The following ABCG4 variants were observed in gnomAD, a reference collection of about 807,000 sequenced individuals.
ABCG4 encodes the protein ATP-binding cassette sub-family G member 4.
A neutral mutation model predicts 64.6 loss-of-function variants in ABCG4; 35 were observed. The ratio of observed to expected loss-of-function variants is 0.54; its 90% CI spans 0.41 to 0.72. The LOEUF (loss-of-function observed/expected upper bound fraction) is 0.72, where lower values mean the gene tolerates loss of function less well. ABCG4 is among the 30% of genes least tolerant of loss of function. ABCG4 has a pLI of 0.00. For missense variants in ABCG4, 610 were observed against 846.3 expected, an observed-to-expected ratio of 0.72 and a Z score of 3.46; for synonymous variants, 326 against 348.2, an observed-to-expected ratio of 0.94 and a Z score of 0.71.
chr11:119,159,001 C>T (rs908001657), intron 12 of ABCG4, 72 bp downstream of exon 12: 48 of 1,447,388 alleles, frequency 3.3e-5, no homozygotes, highest in Non-Finnish European at 4.2e-5. Flanking sequence ...TTTCTTGCCT[C>T]CCTCAAACTT....
Position 119,154,305 on chromosome 11 carries a change from G to A in ABCG4, c.402G>A (p.Arg134=). The A allele has an allele frequency of 6.2e-7, 1 of 1,614,168 alleles. No homozygotes were observed. The highest frequency in any genetic ancestry group is 8.5e-7 in the Non-Finnish European group (1 of 1,180,020). ...KGQILVNGRP[R]ELRTFRKMSC... ...AGATCCTGGTTAATGGAAGGCCACG[G>A]GAGCTGAGGACCTTCCGCAAGATGT... The change falls in exon 4 of 15, where the codon CGG becomes CGA. Residue 134 remains arginine (R), a synonymous_variant. Transcript: ENST00000619701. This position sits in a 1 kb window ranked among gnomAD's most constrained non-coding sequence, Gnocchi z 7.0.
intron 12 of ABCG4, among the ~76,000 whole-genome samples, chr11:119,159,307 C>T (rs138633787): frequency 0.017 from 2,572 of 152,256 alleles, 37 homozygotes; most frequent in Non-Finnish European, 0.028. Flanking sequence ...GGCAACATGG[C>T]GAAATCCCAT....
In ABCG4 at chr11:119,156,753, G is replaced by A. The variant is rs1243716902; in HGVS notation, c.925+75G>A. On this transcript the variant is annotated intron_variant, in intron 8 of 14. Transcript: ENST00000619701. This position sits in a 1 kb window ranked among gnomAD's most constrained non-coding sequence, Gnocchi z 5.5. ...CTGGGGTCTCTGGTCTTGCACTCAG[G>A]CCTCCTAGGGGTAGAGATCTCACCG... The A allele has an allele frequency of 2.5e-6, 4 of 1,593,836 alleles. No individual in the cohort carries two copies. The highest frequency in any genetic ancestry group is 1.3e-5 in the African/African-American group (1 of 74,512).
chr11:119,152,235 G>T (rs1343371775), intron 2 of ABCG4, among the ~76,000 whole-genome samples: 2 of 152,358 alleles, frequency 1.3e-5, no homozygotes, highest in East Asian at 3.9e-4. Flanking sequence ...GTGACCCTGG[G>T]TGAGTCACTA....
At position 119,156,204 on chromosome 11, in the gene ABCG4, A is replaced by C; in HGVS notation, c.687-125A>C. Reference sequence around the variant, plus strand: ...AGTGCCTGAACCGTAAAGGATACAGATGCGGCCAGAGTGCCCTCTTCCTGC... The same window carrying C: ...AGTGCCTGAACCGTAAAGGATACAGCTGCGGCCAGAGTGCCCTCTTCCTGC... On this transcript the variant is annotated intron_variant, in intron 6 of 14. Coordinates refer to ENST00000619701, the MANE Select transcript of ABCG4 (RefSeq NM_022169.5). This position sits in a 1 kb window ranked among gnomAD's most constrained non-coding sequence, Gnocchi z 5.5. 1 of 1,297,436 alleles carries C rather than the reference A, an allele frequency of 7.7e-7. No homozygotes were observed. Among genetic ancestry groups the C allele is most frequent in the Non-Finnish European group, 1.1e-6 (1 of 919,408 alleles). 80.4% of individuals were successfully genotyped at this position (1,297,436 alleles called of 1,614,324 possible).
Position 119,158,133 on chromosome 11 carries a change from A to G in ABCG4, c.1069-101A>G, listed in dbSNP as rs2135126702. On this transcript the variant is annotated intron_variant, in intron 9 of 14. Coordinates refer to ENST00000619701, the MANE Select transcript of ABCG4 (RefSeq NM_022169.5). This position sits in a 1 kb window ranked among gnomAD's most constrained non-coding sequence, Gnocchi z 4.5. The stretch of plus-strand genomic sequence containing the variant: ...TTCTCTGTAGACCTGGAGGACCCCT[A>G]CCCTGGGGAAGAGCTCTGAGGTTTT... The G allele has an allele frequency of 1.1e-6, 1 of 935,200 alleles. No homozygotes were observed. Among genetic ancestry groups the G allele is most frequent in the South Asian group, 1.6e-5 (1 of 62,956 alleles). 57.9% of individuals were successfully genotyped at this position (935,200 alleles called of 1,614,324 possible).
intron 9 of ABCG4, 81 bp downstream of exon 9, chr11:119,157,095 C>G: frequency 6.6e-7 from 1 of 1,511,722 alleles, no homozygotes; most frequent in Non-Finnish European, 8.8e-7. Context: ...GCCAAAGAGG[C>G]TGTTCCCCAG....
At position 119,150,252 on chromosome 11, in the gene ABCG4, C is replaced by T; in HGVS notation, c.238+49C>T. The T allele has an allele frequency of 1.3e-6, 2 of 1,589,270 alleles. No homozygotes were observed. The highest frequency in any genetic ancestry group is 1.1e-5 in the South Asian group (1 of 89,180). On this transcript the variant is annotated intron_variant, in intron 2 of 14. Coordinates refer to ENST00000619701, the MANE Select transcript of ABCG4 (RefSeq NM_022169.5). This position sits in a 1 kb window ranked among gnomAD's most constrained non-coding sequence, Gnocchi z 4.3. ...AGTCCGTGGGCCCTCTCTGAGTTGC[C>T]TCTCCAGAAGCATGAGGCCTGGGTG... is the stretch of plus-strand genomic sequence containing the variant.
In ABCG4 at chr11:119,161,165, T is replaced by C. The variant is rs1948347146; in HGVS notation, c.*59T>C. 4.7e-6 allele frequency: 7 copies of C among 1,498,300 alleles called. No homozygotes were observed. The South Asian group carries it at 7.2e-5, about 15-fold the overall frequency. 92.8% of individuals were successfully genotyped at this position (1,498,300 alleles called of 1,614,324 possible). A position where few individuals can be genotyped will look rare whatever the true frequency, so the allele number is the denominator to read the frequency against. On this transcript the variant is annotated 3_prime_UTR_variant, in exon 15 of 15. Coordinates refer to ENST00000619701, the MANE Select transcript of ABCG4 (RefSeq NM_022169.5). ...GCAGGAAGCCCCCAGTCCCAGCCCT[T>C]TGGGACTGTTTTAACCTTATAGACT...
At position 119,149,776 on chromosome 11, in the gene ABCG4, C is replaced by A. The variant is rs1209925629; in HGVS notation, c.-12-178C>A. On this transcript the variant is annotated intron_variant, in intron 1 of 14. Coordinates refer to ENST00000619701, the MANE Select transcript of ABCG4 (RefSeq NM_022169.5). The surrounding 1 kb of genome is among the most constrained non-coding windows in gnomAD (Gnocchi z 8.3). The stretch of plus-strand genomic sequence containing the variant: ...GGGGTCAGGCTGGAGCTGGGCTGCC[C>A]GGGACTGAGCGTCTCCGTGCGGAGA... The A allele has an allele frequency of 4.8e-6, 5 of 1,039,640 alleles. No homozygotes were observed. The highest frequency in any genetic ancestry group is 6.8e-6 in the Non-Finnish European group (5 of 738,640). The allele number at this position is 1,039,640 out of a possible 1,614,324, so 64.4% of individuals were successfully genotyped here.
rs1321326860 is a variant in ABCG4 at position 119,156,740 on chromosome 11, G to T, written c.925+62G>T. The T allele has an allele frequency of 6.3e-7, 1 of 1,599,444 alleles. No homozygotes were observed. Among genetic ancestry groups the T allele is most frequent in the Non-Finnish European group, 8.6e-7 (1 of 1,167,168 alleles). ...CAGTGGGCCGAACCTGGGGTCTCTG[G>T]TCTTGCACTCAGGCCTCCTAGGGGT... On this transcript the variant is annotated intron_variant, in intron 8 of 14. Transcript: ENST00000619701. This position sits in a 1 kb window ranked among gnomAD's most constrained non-coding sequence, Gnocchi z 5.5.
chr11:119,161,019 G>A lies in ABCG4; in HGVS notation c.1854G>A (p.Met618Ile). 1 of 1,614,064 alleles carries A rather than the reference G, an allele frequency of 6.2e-7. No individual in the cohort carries two copies. The highest frequency in any genetic ancestry group is 8.5e-7 in the Non-Finnish European group (1 of 1,179,980). The change falls in exon 15 of 15, where the codon ATG becomes ATA. Residue 618 changes from methionine to isoleucine, a missense_variant. Physicochemically the swap from Met to Ile is conservative, Grantham distance 10. Transcript: ENST00000619701. ...ALDVEDAKLY[M>I]DFLVLGIFFL... ...ATGTGGAGGATGCCAAGCTCTACAT[G>A]GACTTCCTGGTCTTGGGCATCTTCT...
rs1166512830 is a variant in ABCG4 at position 119,160,568 on chromosome 11, A to C, written c.1627A>C (p.Ile543Leu). 6.2e-7 allele frequency: 1 copy of C among 1,611,982 alleles called. No individual in the cohort carries two copies. Among genetic ancestry groups the C allele is most frequent in the Admixed American group, 1.7e-5 (1 of 59,984 alleles). The change falls in exon 14 of 15, where the codon ATC becomes CTC. Residue 543 changes from isoleucine to leucine, a missense_variant. Transcript: ENST00000619701. This position sits in a 1 kb window ranked among gnomAD's most constrained non-coding sequence, Gnocchi z 4.6. ...CACTTTTGTGGGCCCAGTTACCGCC[A>C]TCCCTGTCCTCTTGTTCTCCGGCTT... ...VATFVGPVTA[I>L]PVLLFSGFFV...
In ABCG4 at chr11:119,149,589, AC is replaced by A. The variant is rs943115163; in HGVS notation, c.-13+229del. On this transcript the variant is annotated intron_variant, in intron 1 of 14. Transcript: ENST00000619701. The surrounding 1 kb of genome is among the most constrained non-coding windows in gnomAD (Gnocchi z 8.3). ...CCTTCCCCTGGTCCGCCCTGCACTC[AC>A]CCTGCTACCCCGACCTCCTAGAGCG... 147 of 236,482 alleles carry A rather than the reference AC, an allele frequency of 6.2e-4. No homozygotes were observed. The highest frequency in any genetic ancestry group is 3.2e-3 in the African/African-American group (141 of 44,240). The allele number at this position is 236,482 out of a possible 1,614,324, so 14.6% of individuals were successfully genotyped here.
rs752059482 is a variant in ABCG4 at position 119,150,033 on chromosome 11, C to T, written c.68C>T (p.Thr23Met). 1 of 1,613,298 alleles carries T rather than the reference C, an allele frequency of 6.2e-7. No individual in the cohort carries two copies. Among genetic ancestry groups the T allele is most frequent in the Non-Finnish European group, 8.5e-7 (1 of 1,179,986 alleles). Residue 23 changes from threonine (T) to methionine (M), a missense_variant, in exon 2 of 15, where the codon ACG becomes ATG. By Grantham distance (81) the Thr-to-Met change is moderately conservative. Coordinates refer to ENST00000619701, the MANE Select transcript of ABCG4 (RefSeq NM_022169.5). This position sits in a 1 kb window ranked among gnomAD's most constrained non-coding sequence, Gnocchi z 4.3. ...CCGGGGGCTGTGGCCATGGCCGTGA[C>T]GCTGGAGGACGGGGCGGAACCCCCT... ...LGPGAVAMAV[T>M]LEDGAEPPVL...
chr11:119,154,218 T>C lies in ABCG4; in HGVS notation c.357-42T>C. 5 of 1,613,142 alleles carry C rather than the reference T, an allele frequency of 3.1e-6. No homozygotes were observed. Among genetic ancestry groups the C allele is most frequent in the Non-Finnish European group, 4.2e-6 (5 of 1,179,146 alleles). On this transcript the variant is annotated intron_variant, in intron 3 of 14. Coordinates refer to ENST00000619701, the MANE Select transcript of ABCG4 (RefSeq NM_022169.5). This position sits in a 1 kb window ranked among gnomAD's most constrained non-coding sequence, Gnocchi z 7.0. The stretch of plus-strand genomic sequence containing the variant: ...CCCTTGGGGAACACAGAAGGTATTC[T>C]GAAAGGGCATTGACCCCCATCCTCA...
Position 119,156,207 on chromosome 11 carries a change from C to A in ABCG4, c.687-122C>A. The A allele has an allele frequency of 7.6e-7, 1 of 1,324,256 alleles. No individual in the cohort carries two copies. The highest frequency in any genetic ancestry group is 1.1e-6 in the Non-Finnish European group (1 of 943,482). 82.0% of individuals were successfully genotyped at this position (1,324,256 alleles called of 1,614,324 possible). On this transcript the variant is annotated intron_variant, in intron 6 of 14. Transcript: ENST00000619701. The surrounding 1 kb of genome is among the most constrained non-coding windows in gnomAD (Gnocchi z 5.5). ...GCCTGAACCGTAAAGGATACAGATG[C>A]GGCCAGAGTGCCCTCTTCCTGCCAG...
rs987325259 is a variant in ABCG4 at position 119,161,275 on chromosome 11, T to C, written c.*169T>C. On this transcript the variant is annotated 3_prime_UTR_variant, in exon 15 of 15. Transcript: ENST00000619701. ...GTCGGACTGCGCTCCCAGCCTGGGCTCTGGGAGTGGGGGCTCCAGCCCTCC... is the reference window on the plus strand; with the variant it reads ...GTCGGACTGCGCTCCCAGCCTGGGCCCTGGGAGTGGGGGCTCCAGCCCTCC... 4.8e-6 allele frequency: 3 copies of C among 626,690 alleles called. No homozygotes were observed. The highest frequency in any genetic ancestry group is 8.2e-6 in the Non-Finnish European group (3 of 364,662). The allele number at this position is 626,690 out of a possible 1,614,324, so 38.8% of individuals were successfully genotyped here. A position where few individuals can be genotyped will look rare whatever the true frequency, so the allele number is the denominator to read the frequency against.
chr11:119,155,032 A>T lies in ABCG4; in HGVS notation c.686+117A>T. 7.1e-7 allele frequency: 1 copy of T among 1,403,286 alleles called. No homozygotes were observed. Among genetic ancestry groups the T allele is most frequent in the South Asian group, 1.4e-5 (1 of 70,206 alleles). The allele number at this position is 1,403,286 out of a possible 1,614,324, so 86.9% of individuals were successfully genotyped here. Reference sequence around the variant, plus strand: ...CTCTGTTCACAGCCTCCTGGGGCCAAGATAAGGGCTTCTTCCTCATCTCCA... The same window carrying T: ...CTCTGTTCACAGCCTCCTGGGGCCATGATAAGGGCTTCTTCCTCATCTCCA... On this transcript the variant is annotated intron_variant, in intron 6 of 14. Transcript: ENST00000619701. This position sits in a 1 kb window ranked among gnomAD's most constrained non-coding sequence, Gnocchi z 4.5.
Sources: gnomAD v4.1 joint callset for allele counts (sites outside exome capture counted in the v4.1 genomes callset) on GRCh38, gnomAD v4.1.1 for gene constraint, Gnocchi (gnomAD v3.1) non-coding constraint, MANE v1.5 for transcripts, NCBI Gene and HGNC (gene_info 2026-07-23, HGNC 2026-07-21) for gene names.